The following RNF168 variants were observed in gnomAD, a reference collection of about 807,000 sequenced individuals.
The protein encoded by RNF168 is ring finger protein 168.
In RNF168, 34 loss-of-function variants were observed where a neutral mutation model predicts 34.9. The ratio of observed to expected loss-of-function variants is 0.97; its 90% CI spans 0.74 to 1.30. The LOEUF (loss-of-function observed/expected upper bound fraction) is 1.30, where lower values mean the gene tolerates loss of function less well. Ranked by LOEUF, RNF168 falls within the 50% of genes most tolerant of loss-of-function variation. RNF168 has a pLI of 0.00. For missense variants in RNF168, 725 were observed against 682.5 expected, an observed-to-expected ratio of 1.06 and a Z score of -0.69; for synonymous variants, 264 against 254.7, an observed-to-expected ratio of 1.04 and a Z score of -0.35.
Position 196,471,196 on chromosome 3 carries a change from C to CAAAAAAAAAAAAAAAAAAAAAAAAAAAA in RNF168, c.*595_*622dup, listed in dbSNP as rs57647149. 1 of 40,640 alleles carries CAAAAAAAAAAAAAAAAAAAAAAAAAAAA rather than the reference C, an allele frequency of 2.5e-5. No homozygotes were observed. Among genetic ancestry groups the CAAAAAAAAAAAAAAAAAAAAAAAAAAAA allele is most frequent in the South Asian group, 9.8e-4 (1 of 1,018 alleles). The allele number at this position is 40,640 out of a possible 1,614,324, so 2.5% of individuals were successfully genotyped here. On this transcript the variant is annotated 3_prime_UTR_variant, in exon 6 of 6. Coordinates refer to ENST00000318037, the MANE Select transcript of RNF168 (RefSeq NM_152617.4). ...GCGTGACAGAGCAAGACTCTGTCTC[C>CAAAAAAAAAAAAAAAAAAAAAAAAAAAA]AAAAAAAAAAAAAAAAAAAAAAAAA...
At chr3:196,483,356 T>C (rs1321479231) in intron 4 of RNF168, among the ~76,000 whole-genome samples, 3 of 152,100 alleles carry the variant, frequency 2.0e-5, no homozygotes, top group African/African-American at 4.8e-5. Context: ...CCTGGAGGGG[T>C]GTTGTGGTGA....
At chr3:196,493,431 T>C (rs905328550) in intron 1 of RNF168, among the ~76,000 whole-genome samples, 10 of 152,322 alleles carry the variant, frequency 6.6e-5, no homozygotes, top group African/African-American at 2.4e-4. Context: ...CATAGCTCAC[T>C]GCAGCCTCCA....
At chr3:196,482,561 A>G (rs1732323229) in intron 4 of RNF168, among the ~76,000 whole-genome samples, 1 of 152,184 alleles carries the variant, frequency 6.6e-6, no homozygotes, top group Admixed American at 6.5e-5. Flanking sequence ...CATTCCTACC[A>G]AGCAATGCGC....
In RNF168 at chr3:196,472,092, G is replaced by A; in HGVS notation, c.1443C>T (p.Ser481=). The change falls in exon 6 of 6, where the codon TCC becomes TCT. Residue 481 remains serine (S), a synonymous_variant. Coordinates refer to ENST00000318037, the MANE Select transcript of RNF168 (RefSeq NM_152617.4). The stretch of plus-strand genomic sequence containing the variant: ...GTCCATTTAGCACTTTGTCTGGAGG[G>A]GAGGATGTAGCGCGTAAGTGATACT... ...PDEYHLRATS[S]PPDKVLNGQR... 1.2e-6 allele frequency: 2 copies of A among 1,613,426 alleles called. No individual in the cohort carries two copies. The highest frequency in any genetic ancestry group is 1.7e-6 in the Non-Finnish European group (2 of 1,179,622).
Position 196,483,751 on chromosome 3 carries a change from CAT to C in RNF168, c.680+17_680+18del. 1 of 1,604,288 alleles carries C rather than the reference CAT, an allele frequency of 6.2e-7. No homozygotes were observed. The highest frequency in any genetic ancestry group is 8.5e-7 in the Non-Finnish European group (1 of 1,171,428). ...TACAGTAGGAGGTCAACAAATAATT[CAT>C]AGTCATGTTCACTTACTTCTGAATA... On this transcript the variant is annotated intron_variant, in intron 4 of 5. Transcript: ENST00000318037.
At chr3:196,488,779 A>G (rs1732519446) in intron 1 of RNF168, 96 bp from the exon 2 acceptor site, 2 of 701,384 alleles carry the variant, frequency 2.9e-6, no homozygotes, top group Non-Finnish European at 5.2e-6. Flanking sequence ...ATATACAACT[A>G]TTAATAACTG....
intron 3 of RNF168, 90 bp downstream of exon 3, chr3:196,487,309 A>G (rs1327498613): frequency 8.8e-7 from 1 of 1,135,374 alleles, no homozygotes; most frequent in East Asian, 2.3e-5. Context: ...GAACCTGGAA[A>G]TACAAGGAGC....
At position 196,472,465 on chromosome 3, in the gene RNF168, G is replaced by A; in HGVS notation, c.1070C>T (p.Pro357Leu). 1 of 1,614,118 alleles carries A rather than the reference G, an allele frequency of 6.2e-7. No homozygotes were observed. The highest frequency in any genetic ancestry group is 2.2e-5 in the East Asian group (1 of 44,884). The change falls in exon 6 of 6, where the codon CCC becomes CTC. Residue 357 changes from proline to leucine, a missense_variant. Physicochemically the swap from Pro to Leu is moderately conservative, Grantham distance 98 (BLOSUM62 -3). Coordinates refer to ENST00000318037, the MANE Select transcript of RNF168 (RefSeq NM_152617.4). The part of the protein sequence containing the change: ...PCGRTESGCA[P>L]TSGVTQTNGN... ...ATTTGTCTGTGTCACCCCTGATGTGGGGGCGCACCCACTTTCTGTTCTGCC... is the reference window on the plus strand; with the variant it reads ...ATTTGTCTGTGTCACCCCTGATGTGAGGGCGCACCCACTTTCTGTTCTGCC...
At position 196,472,095 on chromosome 3, in the gene RNF168, G is replaced by C. The variant is rs1347211522; in HGVS notation, c.1440C>G (p.Ser480=). The change falls in exon 6 of 6, where the codon TCC becomes TCG. Residue 480 remains serine (S), a synonymous_variant. Transcript: ENST00000318037. ...CATTTAGCACTTTGTCTGGAGGGGA[G>C]GATGTAGCGCGTAAGTGATACTCAT... The part of the protein sequence containing the change: ...SPDEYHLRAT[S]SPPDKVLNGQ... 6.2e-7 allele frequency: 1 copy of C among 1,613,558 alleles called. No homozygotes were observed.
intron 3 of RNF168, among the ~76,000 whole-genome samples, chr3:196,485,669 A>G (rs1732405783): frequency 6.6e-6 from 1 of 152,142 alleles, no homozygotes; most frequent in African/African-American, 2.4e-5. Flanking sequence ...AGACACATAA[A>G]AAGGGGCATA....
In RNF168 at chr3:196,484,171, C is replaced by CTTTTTTTTTTTTTTTTTTTT. The variant is rs71699491; in HGVS notation, c.559-281_559-280insAAAAAAAAAAAAAAAAAAAA. 2.5e-5 allele frequency among the ~76,000 whole-genome samples: 3 copies of CTTTTTTTTTTTTTTTTTTTT among 119,460 alleles called. 1 individual carries two copies. Among genetic ancestry groups the CTTTTTTTTTTTTTTTTTTTT allele is most frequent in the African/African-American group, 1.0e-4 (3 of 29,262 alleles). 78.4% of individuals were successfully genotyped at this position (119,460 alleles called of 152,430 possible). ...GATAATTCCTGTTGATCTTTCTTTCCTTTTTTTTTTTTTTTTTGAGACGCA... is the reference window on the plus strand; with the variant it reads ...GATAATTCCTGTTGATCTTTCTTTCCTTTTTTTTTTTTTTTTTTTTTTTTTTTTTTTTTTTTTGAGACGCA... On this transcript the variant is annotated intron_variant, in intron 3 of 5. Coordinates refer to ENST00000318037, the MANE Select transcript of RNF168 (RefSeq NM_152617.4).
chr3:196,489,321 TA>T (rs144178055), intron 1 of RNF168, among the ~76,000 whole-genome samples: 6 of 147,336 alleles, frequency 4.1e-5, no homozygotes, highest in African/African-American at 7.7e-5. Flanking sequence ...GTTAACTGAT[TA>T]AAAAAAAATG....
intron 1 of RNF168, among the ~76,000 whole-genome samples, chr3:196,497,789 G>C (rs1051171450): frequency 6.6e-6 from 1 of 152,078 alleles, no homozygotes; most frequent in African/African-American, 2.4e-5. Flanking sequence ...AAATTTATGA[G>C]ACTTCATGAA....
intron 1 of RNF168, among the ~76,000 whole-genome samples, chr3:196,502,176 G>A (rs1442392607): frequency 6.6e-6 from 1 of 151,670 alleles, no homozygotes; most frequent in Non-Finnish European, 1.5e-5. Flanking sequence ...AAAGAGTCAA[G>A]GGTTCAGTTT....
rs559954515 is a variant in RNF168 at position 196,492,278 on chromosome 3, C to T, written c.302-3595G>A. ...CTTTGGAAGGCTGAGGCAGGAGGAC[C>T]ACTTGAGCTCAGGCTATCAAGACCA... On this transcript the variant is annotated intron_variant, in intron 1 of 5. Coordinates refer to ENST00000318037, the MANE Select transcript of RNF168 (RefSeq NM_152617.4). Among the ~76,000 whole-genome samples the T allele has an allele frequency of 4.6e-5, 7 of 152,222 alleles. No homozygotes were observed. In the East Asian group the frequency reaches 1.4e-3, roughly 29 times the overall value.
rs1179322526 is a variant in RNF168 at position 196,470,279 on chromosome 3, A to G, written c.*1540T>C. ...GTTTCTGACCACCCAATCAGTTTCA[A>G]TGATCCAGACTGTCAGTCACCCCAT... On this transcript the variant is annotated 3_prime_UTR_variant, in exon 6 of 6. Transcript: ENST00000318037. 7 of 151,956 alleles carry G rather than the reference A, an allele frequency of 4.6e-5. No homozygotes were observed. Among genetic ancestry groups the G allele is most frequent in the Admixed American group, 3.3e-4 (5 of 15,164 alleles). 9.4% of individuals were successfully genotyped at this position (151,956 alleles called of 1,614,324 possible).
At chr3:196,481,681 CGTTTT>C (rs1732292985) in intron 4 of RNF168, among the ~76,000 whole-genome samples, 1 of 90,754 alleles carries the variant, frequency 1.1e-5, no homozygotes, top group African/African-American at 4.4e-5. Flanking sequence ...TTTTCAGCTG[CGTTTT>C]TTTTTTTTTT....
Position 196,470,145 on chromosome 3 carries a change from G to A in RNF168, c.*1674C>T, listed in dbSNP as rs1410905099. On this transcript the variant is annotated 3_prime_UTR_variant, in exon 6 of 6. Coordinates refer to ENST00000318037, the MANE Select transcript of RNF168 (RefSeq NM_152617.4). ...TCAGTTTCAATGATCCAGACTGTCAGTCACCCCATCCAGCCTCATCCTCAT... is the reference window on the plus strand; with the variant it reads ...TCAGTTTCAATGATCCAGACTGTCAATCACCCCATCCAGCCTCATCCTCAT... 1 of 151,600 alleles carries A rather than the reference G, an allele frequency of 6.6e-6. No homozygotes were observed. Among genetic ancestry groups the A allele is most frequent in the Non-Finnish European group, 1.5e-5 (1 of 68,096 alleles). 9.4% of individuals were successfully genotyped at this position (151,600 alleles called of 1,614,324 possible).
intron 1 of RNF168, among the ~76,000 whole-genome samples, chr3:196,500,488 G>T (rs1439680207): frequency 2.0e-5 from 3 of 152,178 alleles, no homozygotes; most frequent in African/African-American, 4.8e-5. Flanking sequence ...AACGGTGGTT[G>T]CCAGGGGATA....
Sources: gnomAD v4.1 joint callset for allele counts (sites outside exome capture counted in the v4.1 genomes callset) on GRCh38, gnomAD v4.1.1 for gene constraint, MANE v1.5 for transcripts, NCBI Gene and HGNC (gene_info 2026-07-23, HGNC 2026-07-21) for gene names.